The following DHX57 variants were observed in gnomAD, a reference collection of about 807,000 sequenced individuals.
DHX57 encodes putative ATP-dependent RNA helicase DHX57.
Under a neutral mutation model 156.2 loss-of-function variants are expected in DHX57, and 105 were observed. The ratio of observed to expected loss-of-function variants is 0.67; its 90% confidence interval spans 0.57 to 0.79. The LOEUF (loss-of-function observed/expected upper bound fraction) is 0.79. DHX57 is among the 30% of genes least tolerant of loss of function. DHX57 has a pLI of 0.00. For missense variants in DHX57, 1,847 were observed against 1,661.9 expected, an observed-to-expected ratio of 1.11 and a Z score of -1.94; for synonymous variants, 704 against 595.6, an observed-to-expected ratio of 1.18 and a Z score of -2.65.
At chr2:38,818,123 C>A (rs1253535062) in intron 19 of DHX57, among the ~76,000 whole-genome samples, 6 of 152,076 alleles carry the variant, frequency 3.9e-5, no homozygotes, top group Non-Finnish European at 7.4e-5. Context: ...TGGCCATGGA[C>A]CCCTCTGAAA....
chr2:38,849,728 T>G (rs1439848314), intron 9 of DHX57, among the ~76,000 whole-genome samples: 1 of 152,186 alleles, frequency 6.6e-6, no homozygotes, highest in South Asian at 2.1e-4. Flanking sequence ...TTGCCGTCTT[T>G]GAGGCATGCA....
chr2:38,862,214 C>G lies in DHX57; in HGVS notation c.503G>C (p.Gly168Ala). 3 of 1,613,930 alleles carry G rather than the reference C, an allele frequency of 1.9e-6. No homozygotes were observed. Among genetic ancestry groups the G allele is most frequent in the Non-Finnish European group, 2.5e-6 (3 of 1,179,870 alleles). The stretch of plus-strand genomic sequence containing the variant: ...AACATAAGGCTCCACTGAGGCTAAG[C>G]CAGCATATTCCAAAGGATCCAAGTC... ...VPDLDPLEYA[G>A]LASVEPYVPE... Residue 168 changes from glycine to alanine, a missense_variant, in exon 4 of 24, where the codon GGC becomes GCC. Gly to Ala is a moderately conservative substitution (Grantham distance 60). Transcript: ENST00000457308.
chr2:38,830,660 C>A (rs1003677288), intron 13 of DHX57, among the ~76,000 whole-genome samples: 2 of 151,812 alleles, frequency 1.3e-5, no homozygotes, highest in African/African-American at 4.8e-5. Flanking sequence ...GCTACTAGTA[C>A]CCCTACTAGT....
rs1190074364 is a variant in DHX57, at chr2:38,858,826, T to A, written c.1422A>T (p.Ala474=). 6 of 1,608,660 alleles carry A rather than the reference T, an allele frequency of 3.7e-6. No individual in the cohort carries two copies. Among genetic ancestry groups the A allele is most frequent in the Non-Finnish European group, 3.4e-6 (4 of 1,178,826 alleles). ...VSNQIPEVEK[A]SESEESDEDD... is the part of the protein sequence containing the mutation. ...CCTCATCTGACTCCTCAGATTCTGA[T>A]GCTTTTTCAACTTGAAGGAAATAAA... Residue 474 remains alanine, a synonymous_variant, in exon 6 of 24, where the codon GCA becomes GCT. Coordinates refer to ENST00000457308, the MANE Select transcript of DHX57 (RefSeq NM_198963.3).
intron 9 of DHX57, 126 bp from the exon 10 acceptor site, chr2:38,848,528 A>G: frequency 1.1e-6 from 1 of 938,644 alleles, no homozygotes; most frequent in Non-Finnish European, 1.6e-6. Context: ...ATTAACGTTC[A>G]TAGAACAATA....
Position 38,861,441 on chromosome 2 carries a change from A to G in DHX57, c.969T>C (p.His323=). 6.2e-7 allele frequency: 1 copy of G among 1,614,066 alleles called. No individual in the cohort carries two copies. The highest frequency in any genetic ancestry group is 8.5e-7 in the Non-Finnish European group (1 of 1,180,030). The change falls in exon 5 of 24, where the codon CAT becomes CAC. Residue 323 remains histidine, a synonymous_variant. Coordinates refer to ENST00000457308, the MANE Select transcript of DHX57 (RefSeq NM_198963.3). ...CAACAATTTGATTTGGGGGCACTTC[A>G]TGTTTGAATCTGCATTTTGATCCAA... ...CKFGSKCRFK[H]EVPPNQIVGR...
chr2:38,852,252 C>T (rs1191963636), intron 9 of DHX57, among the ~76,000 whole-genome samples: 1 of 150,694 alleles, frequency 6.6e-6, no homozygotes, highest in Non-Finnish European at 1.5e-5. Flanking sequence ...TCTCGGCTCA[C>T]GGCAACCTCC....
At chr2:38,804,748 C>G (rs1669863962) in intron 22 of DHX57, among the ~76,000 whole-genome samples, 1 of 152,116 alleles carries the variant, frequency 6.6e-6, no homozygotes, top group Non-Finnish European at 1.5e-5. Flanking sequence ...GATGTTTGCA[C>G]TTATGTCCTC....
intron 21 of DHX57, chr2:38,811,279 G>C (rs1670231614): frequency 3.9e-6 from 2 of 518,212 alleles, no homozygotes; most frequent in African/African-American, 3.8e-5. Flanking sequence ...CCAGCGAGTA[G>C]CAGGCGAGCT....
Position 38,828,463 on chromosome 2 carries a change from T to C in DHX57, c.2543-27A>G, listed in dbSNP as rs573118446. The C allele has an allele frequency of 1.5e-4, 228 of 1,526,846 alleles. 2 individuals carry two copies. In the South Asian group the frequency reaches 2.6e-3, roughly 18 times the overall value. 94.6% of individuals were successfully genotyped at this position (1,526,846 alleles called of 1,614,324 possible). A position where few individuals can be genotyped will look rare whatever the true frequency, so the allele number is the denominator to read the frequency against. On this transcript the variant is annotated intron_variant, in intron 13 of 23. Coordinates refer to ENST00000457308, the MANE Select transcript of DHX57 (RefSeq NM_198963.3). ...TGGGTATATAAAAAGAATCAATATG[T>C]GGGTAAGCATAGGCACAGAAAAGAA... is the stretch of plus-strand genomic sequence containing the variant.
intron 22 of DHX57, among the ~76,000 whole-genome samples, chr2:38,805,191 G>T (rs1330533653): frequency 6.6e-6 from 1 of 152,154 alleles, no homozygotes; most frequent in Non-Finnish European, 1.5e-5. Context: ...GCTAACTCAG[G>T]CGTCTGGTTC....
chr2:38,808,558 G>C (rs1239867834), intron 21 of DHX57, among the ~76,000 whole-genome samples: 2 of 151,760 alleles, frequency 1.3e-5, no homozygotes, highest in Admixed American at 6.6e-5. Flanking sequence ...TTCAAATTTA[G>C]ATTGTCTGCA....
chr2:38,852,496 T>TC (rs1056051432), intron 9 of DHX57, among the ~76,000 whole-genome samples: 6 of 151,988 alleles, frequency 3.9e-5, no homozygotes, highest in Non-Finnish European at 8.8e-5. Context: ...TTCTCTTTTT[T>TC]CCCACTAGTT....
intron 21 of DHX57, among the ~76,000 whole-genome samples, chr2:38,812,815 G>T (rs1315440552): frequency 6.6e-6 from 1 of 151,346 alleles, no homozygotes; most frequent in Admixed American, 6.6e-5. Flanking sequence ...TTACAGGCGT[G>T]AGCCATCGTG....
intron 1 of DHX57, 146 bp downstream of exon 1, chr2:38,875,641 A>G (rs1171627345): frequency 3.1e-5 from 5 of 162,424 alleles, no homozygotes; most frequent in Non-Finnish European, 5.3e-5. Flanking sequence ...GGCCCCAGGC[A>G]GACTGGATGA....
At chr2:38,862,047 C>T (rs916718874) in intron 4 of DHX57, 98 bp downstream of exon 4, 1 of 1,386,490 alleles carries the variant, frequency 7.2e-7, no homozygotes. Flanking sequence ...TGCTGGAACC[C>T]ACATAATAGG....
chr2:38,813,998 C>T (rs539476356), intron 20 of DHX57, 103 bp from the exon 21 acceptor site: 30 of 1,312,694 alleles, frequency 2.3e-5, no homozygotes, highest in African/African-American at 1.2e-4. Flanking sequence ...TGTGCAGTGG[C>T]GCCATCTCAG....
rs186049925 is a variant in DHX57, at chr2:38,871,497, C to A, written c.-6-3086G>T. 2.1e-3 allele frequency among the ~76,000 whole-genome samples: 320 copies of A among 152,272 alleles called. 1 individual carries two copies. The highest frequency in any genetic ancestry group is 7.2e-3 in the African/African-American group (300 of 41,556). On this transcript the variant is annotated intron_variant, in intron 1 of 23. Transcript: ENST00000457308. Reference sequence around the variant, plus strand: ...AAAAGTAATACTTCTATGTATCTGTCTTAGTCTGTTTTCTGCTATAACAGA... The same window carrying A: ...AAAAGTAATACTTCTATGTATCTGTATTAGTCTGTTTTCTGCTATAACAGA...
intron 21 of DHX57, chr2:38,811,415 T>C (rs1168233410): frequency 1.7e-6 from 1 of 585,434 alleles, no homozygotes; most frequent in Non-Finnish European, 3.3e-6. Flanking sequence ...GCCCAGGAGG[T>C]AGCAGTCCTC....
Sources: gnomAD v4.1 joint callset for allele counts (sites outside exome capture counted in the v4.1 genomes callset) on GRCh38, gnomAD v4.1.1 for gene constraint, MANE v1.5 for transcripts, NCBI Gene and HGNC (gene_info 2026-07-23, HGNC 2026-07-21) for gene names.